Variants in STARD13 observed in about 807,000 individuals in gnomAD.
STARD13 encodes the protein stAR-related lipid transfer protein 13.
Under a neutral mutation model 106.4 loss-of-function variants are expected in STARD13, and 62 were observed. The observed-to-expected ratio is 0.58, with a 90% CI of 0.48 to 0.72. The LOEUF (loss-of-function observed/expected upper bound fraction) is 0.72, where lower values mean the gene tolerates loss of function less well. Ranked by LOEUF, STARD13 falls within the 30% of genes least tolerant of loss-of-function variation. The probability of loss-of-function intolerance (pLI) is 0.00; values close to 1 mark genes in which losing one functional copy is unlikely to be tolerated. For synonymous variants in STARD13, 565 were observed against 553.0 expected (o/e 1.02, Z -0.31); for missense variants, 1,387 against 1,424.0 (o/e 0.97, Z 0.42).
At chr13:33,376,609 A>G in the STARD13 span, among the ~76,000 whole-genome samples, 17 of 152,232 alleles carry the variant, frequency 1.1e-4, no homozygotes, top group South Asian at 8.3e-4. Flanking sequence ...CAACATAGCC[A>G]GACCCCATCT....
chr13:33,352,340 G>A (rs920492681), upstream of STARD13, among the ~76,000 whole-genome samples: 3 of 152,158 alleles, frequency 2.0e-5, no homozygotes, highest in Admixed American at 6.5e-5. Context: ...ACATTCCCAG[G>A]AAAGCTGTAT....
the STARD13 span, among the ~76,000 whole-genome samples, chr13:33,429,973 A>G: frequency 1.3e-5 from 2 of 150,376 alleles, no homozygotes; most frequent in African/African-American, 5.0e-5. Context: ...GCTGGAGTGC[A>G]GTGGCGCGAT....
chr13:33,281,010 C>T (rs755729706), intron 1 of STARD13: 2 of 152,098 alleles, frequency 1.3e-5, no homozygotes, highest in Admixed American at 6.5e-5. Context: ...ATAATAAAGC[C>T]GCTCTGTTGC....
At chr13:33,519,208 T>TTTTCCTTC in the STARD13 span, among the ~76,000 whole-genome samples, 2 of 101,530 alleles carry the variant, frequency 2.0e-5, no homozygotes, top group African/African-American at 4.6e-5. Context: ...CTTGGTAATT[T>TTTTCCTTC]TTTCTTTCTT....
intron 8 of STARD13, among the ~76,000 whole-genome samples, chr13:33,114,723 T>A (rs1017011844): frequency 6.6e-6 from 1 of 152,184 alleles, no homozygotes; most frequent in Non-Finnish European, 1.5e-5. Flanking sequence ...CAACATTTTT[T>A]CCCAGCCATC....
At chr13:33,536,399 T>C in the STARD13 span, among the ~76,000 whole-genome samples, 1 of 152,144 alleles carries the variant, frequency 6.6e-6, no homozygotes, top group Non-Finnish European at 1.5e-5. Flanking sequence ...TAATAAAAAA[T>C]AATAAAGAAA....
At chr13:33,254,835 C>T (rs939657589) in intron 1 of STARD13, among the ~76,000 whole-genome samples, 1 of 152,104 alleles carries the variant, frequency 6.6e-6, no homozygotes, top group African/African-American at 2.4e-5. Context: ...TCTTTGGCTC[C>T]CCATCCATCC....
the STARD13 span, among the ~76,000 whole-genome samples, chr13:33,646,805 T>C: frequency 6.6e-6 from 1 of 152,216 alleles, no homozygotes; most frequent in Non-Finnish European, 1.5e-5. Flanking sequence ...TACATGCAAA[T>C]TCTTTTAAAA....
chr13:33,418,580 G>A, the STARD13 span, among the ~76,000 whole-genome samples: 12 of 152,236 alleles, frequency 7.9e-5, no homozygotes, highest in Admixed American at 6.5e-5. Flanking sequence ...GCTCTGAAGA[G>A]AGCAGTGGTT....
At chr13:33,163,605 A>AATAT (rs1249911753) in intron 3 of STARD13, among the ~76,000 whole-genome samples, 29 of 97,614 alleles carry the variant, frequency 3.0e-4, no homozygotes, top group Middle Eastern at 5.2e-3. Flanking sequence ...AAAAAAAAAA[A>AATAT]ATATATATAT....
chr13:33,492,728 T>C, the STARD13 span, among the ~76,000 whole-genome samples: 1 of 152,182 alleles, frequency 6.6e-6, no homozygotes, highest in Admixed American at 6.5e-5. Flanking sequence ...ACCATAAAAA[T>C]GGGCAACCAG....
the STARD13 span, among the ~76,000 whole-genome samples, chr13:33,629,466 T>C: frequency 1.3e-4 from 20 of 152,340 alleles, no homozygotes; most frequent in Admixed American, 2.6e-4. Context: ...GTTAGAGATT[T>C]CTAGATAGAG....
the STARD13 span, among the ~76,000 whole-genome samples, chr13:33,380,336 G>A: frequency 0.015 from 2,283 of 150,856 alleles, 15 homozygotes; most frequent in Non-Finnish European, 0.024. Flanking sequence ...AATGGCTTGA[G>A]CCCTGGAATC....
intron 1 of STARD13, among the ~76,000 whole-genome samples, chr13:33,221,661 A>G (rs1424388023): frequency 6.6e-6 from 1 of 152,192 alleles, no homozygotes; most frequent in Non-Finnish European, 1.5e-5. Flanking sequence ...TGTGGATCCC[A>G]GTGCAAAATG....
chr13:33,444,033 CA>C, the STARD13 span, among the ~76,000 whole-genome samples: 1 of 151,704 alleles, frequency 6.6e-6, no homozygotes, highest in Non-Finnish European at 1.5e-5. Flanking sequence ...GCTCTATAAA[CA>C]TGAAGGAAGG....
At chr13:33,311,235 T>G (rs1893127514) in intron 1 of STARD13, among the ~76,000 whole-genome samples, 1 of 151,924 alleles carries the variant, frequency 6.6e-6, no homozygotes. Context: ...AGGTCAAGGC[T>G]GCTGTGAGTC....
At chr13:33,558,385 G>C in the STARD13 span, among the ~76,000 whole-genome samples, 2 of 152,066 alleles carry the variant, frequency 1.3e-5, no homozygotes, top group African/African-American at 4.8e-5. Flanking sequence ...ATAAATGCTT[G>C]TTAAATAAAA....
the STARD13 span, among the ~76,000 whole-genome samples, chr13:33,405,031 C>A: frequency 6.6e-6 from 1 of 152,178 alleles, no homozygotes; most frequent in Non-Finnish European, 1.5e-5. Context: ...CCTGCCATGG[C>A]CTCCCAAAGT....
At chr13:33,128,062 GAC>G (rs1877511166) in intron 5 of STARD13, among the ~76,000 whole-genome samples, 1 of 152,014 alleles carries the variant, frequency 6.6e-6, no homozygotes, top group Non-Finnish European at 1.5e-5. Context: ...AGGATGGAGA[GAC>G]AGACAGAGAC....
Sources: allele counts gnomAD v4.1 joint callset (sites outside exome capture counted in the v4.1 genomes callset), GRCh38; gene constraint gnomAD v4.1.1; transcripts MANE v1.5; gene names NCBI Gene and HGNC (gene_info 2026-07-23, HGNC 2026-07-21).